DENND1A: variants seen among roughly 807,000 people sequenced by gnomAD.
The protein encoded by DENND1A is DENN domain-containing protein 1A.
In DENND1A, 51 loss-of-function variants were observed where a neutral mutation model predicts 113.7. The ratio of observed to expected loss-of-function variants is 0.45; its 90% CI spans 0.36 to 0.57. The LOEUF (loss-of-function observed/expected upper bound fraction) is 0.57, where lower values mean the gene tolerates loss of function less well. DENND1A is among the 20% of genes least tolerant of loss of function. The pLI, the probability that DENND1A is intolerant of heterozygous loss-of-function variation, is 0.00. For synonymous variants in DENND1A, 565 were observed against 570.8 expected (o/e 0.99, Z 0.14); for missense variants, 1,258 against 1,395.9 (o/e 0.90, Z 1.57).
intron 12 of DENND1A, among the ~76,000 whole-genome samples, chr9:123,570,321 A>G (rs543413974): frequency 6.6e-6 from 1 of 152,320 alleles, no homozygotes. Context: ...AGCTGTCAGT[A>G]AAAAGTATAA....
In DENND1A at chr9:123,645,337, T is replaced by A. The variant is rs28626104; in HGVS notation, c.618+6676A>T. Among the ~76,000 whole-genome samples the A allele has an allele frequency of 8.7e-3, 1,320 of 152,258 alleles. 17 individuals carry two copies. The highest frequency in any genetic ancestry group is 0.03 in the African/African-American group (1,247 of 41,542). The stretch of plus-strand genomic sequence containing the variant: ...ACACAATTGAGAAGAATGTGGTTTG[T>A]CAAGTATTGCAGGCCACATCAGGAT... On this transcript the variant is annotated intron_variant, in intron 9 of 23. Transcript: ENST00000394215.
intron 13 of DENND1A, among the ~76,000 whole-genome samples, chr9:123,496,632 T>G (rs536275436): frequency 3.9e-5 from 6 of 152,336 alleles, no homozygotes; most frequent in African/African-American, 1.4e-4. Flanking sequence ...GAAATGAGAA[T>G]AAATACCTCT....
intron 9 of DENND1A, among the ~76,000 whole-genome samples, chr9:123,634,430 C>T (rs2061613585): frequency 6.6e-6 from 1 of 152,190 alleles, no homozygotes; most frequent in Non-Finnish European, 1.5e-5. Context: ...GATTACAAGA[C>T]TTACTATATA....
At position 123,584,542 on chromosome 9, in the gene DENND1A, T is replaced by A. The variant is rs114947724; in HGVS notation, c.766-1272A>T. ...TCCAATGGCTGCTCAAGCTCCAGTT[T>A]CCAATGCCCTGGAAATGGACAAGTA... On this transcript the variant is annotated intron_variant, in intron 11 of 23. Transcript: ENST00000394215. 1.8e-3 allele frequency among the ~76,000 whole-genome samples: 267 copies of A among 152,332 alleles called. 1 individual carries two copies. The highest frequency in any genetic ancestry group is 6.1e-3 in the African/African-American group (255 of 41,570).
intron 2 of DENND1A, among the ~76,000 whole-genome samples, chr9:123,861,904 C>T (rs1027461010): frequency 2.0e-5 from 3 of 152,166 alleles, no homozygotes; most frequent in African/African-American, 7.2e-5. Flanking sequence ...AGCACACTTA[C>T]AGACACTTTT....
At chr9:123,573,327 T>C (rs1023872074) in intron 12 of DENND1A, among the ~76,000 whole-genome samples, 2 of 152,146 alleles carry the variant, frequency 1.3e-5, no homozygotes, top group Non-Finnish European at 2.9e-5. Context: ...AAGAAAGCCA[T>C]CTGGAATTTG....
chr9:123,448,539 C>T (rs888662264), intron 18 of DENND1A, among the ~76,000 whole-genome samples: 20 of 152,292 alleles, frequency 1.3e-4, no homozygotes, highest in Middle Eastern at 3.4e-3. Context: ...GAAAACTCTC[C>T]GCTCCCTGCC....
intron 13 of DENND1A, among the ~76,000 whole-genome samples, chr9:123,544,704 T>C (rs749768229): frequency 6.6e-6 from 1 of 152,244 alleles, no homozygotes; most frequent in South Asian, 2.1e-4. Context: ...GAGCCTAGCA[T>C]ATAACAAATG....
chr9:123,517,712 A>G (rs1229113145), intron 13 of DENND1A, among the ~76,000 whole-genome samples: 1 of 152,210 alleles, frequency 6.6e-6, no homozygotes, highest in Non-Finnish European at 1.5e-5. Flanking sequence ...GGCAAATTCA[A>G]GCAGAGGAAT....
rs1468027437 is a variant in DENND1A at position 123,855,178 on chromosome 9, T to C, written c.88+23773A>G. On this transcript the variant is annotated intron_variant, in intron 2 of 23. Transcript: ENST00000394215. ...ATTTTTAAATATCTCTTCATTTAGC[T>C]AGCTACCTACTGAATACGATTATTC... Among the ~76,000 whole-genome samples the C allele has an allele frequency of 1.3e-5, 2 of 151,194 alleles. 1 individual carries two copies. Among genetic ancestry groups the C allele is most frequent in the African/African-American group, 4.9e-5 (2 of 40,490 alleles).
At chr9:123,751,473 C>A (rs1052742250) in intron 5 of DENND1A, 3 of 152,174 alleles carry the variant, frequency 2.0e-5, no homozygotes, top group Admixed American at 6.5e-5. Flanking sequence ...CAAAGTGACA[C>A]GCAACATCCC....
Position 123,381,618 on chromosome 9 carries a change from C to CG in DENND1A, c.3026dup (p.Leu1010AlafsTer27), listed in dbSNP as rs2042272414. On this transcript the variant is annotated frameshift_variant, in exon 24 of 24. Transcript: ENST00000394215. LOFTEE classifies it high-confidence loss of function. This position sits in a 1 kb window ranked among gnomAD's most constrained non-coding sequence, Gnocchi z 4.7. ...CTTGAGGGGGCCTGGGAGGCAGAAG[C>CG]GGGGGGTCTCCAGGCCTCAGGGCCA... 3.7e-6 allele frequency: 6 copies of CG among 1,612,502 alleles called. No individual in the cohort carries two copies. The highest frequency in any genetic ancestry group is 4.2e-6 in the Non-Finnish European group (5 of 1,179,650).
At chr9:123,760,587 T>G (rs908252849) in intron 4 of DENND1A, among the ~76,000 whole-genome samples, 1 of 152,214 alleles carries the variant, frequency 6.6e-6, no homozygotes, top group African/African-American at 2.4e-5. Flanking sequence ...AGAAACACAT[T>G]TCTATAAAAG....
At chr9:123,563,831 T>A (rs1193649720) in intron 12 of DENND1A, among the ~76,000 whole-genome samples, 1 of 152,212 alleles carries the variant, frequency 6.6e-6, no homozygotes, top group African/African-American at 2.4e-5. Flanking sequence ...TGTCTTCTAC[T>A]TGATTTCAAA....
rs59984497 is a variant in DENND1A at position 123,566,913 on chromosome 9, CCACA to C, written c.868-9222_868-9219del. ...TATACAACAATTTAGCTTTAACACA[CCACA>C]CACACACACACACACACACACACAA... On this transcript the variant is annotated intron_variant, in intron 12 of 23. Coordinates refer to ENST00000394215, the MANE Select transcript of DENND1A (RefSeq NM_001352964.2). 3.1e-3 allele frequency among the ~76,000 whole-genome samples: 461 copies of C among 147,430 alleles called. 2 individuals are homozygous for C. Among genetic ancestry groups the C allele is most frequent in the East Asian group, 0.022 (109 of 5,052 alleles).
chr9:123,517,177 C>T (rs1040092583), intron 13 of DENND1A, among the ~76,000 whole-genome samples: 4 of 150,050 alleles, frequency 2.7e-5, no homozygotes, highest in South Asian at 2.1e-4. Context: ...GGTGTGAACC[C>T]GGGATGTGGA....
At chr9:123,899,949 T>TATTCC (rs1851341095) in intron 1 of DENND1A, among the ~76,000 whole-genome samples, 1 of 152,244 alleles carries the variant, frequency 6.6e-6, no homozygotes, top group Non-Finnish European at 1.5e-5. Flanking sequence ...CAATGATCAC[T>TATTCC]GTAAGAATAA....
chr9:123,868,107 T>C lies in DENND1A; in HGVS notation c.88+10844A>G, dbSNP rs531913607. On this transcript the variant is annotated intron_variant, in intron 2 of 23. Coordinates refer to ENST00000394215, the MANE Select transcript of DENND1A (RefSeq NM_001352964.2). ...CAGTAAATTCCCTTTGTTGTTCAAGTCGGATTTCACTGGGTTTCTGTCACT... is the reference window on the plus strand; with the variant it reads ...CAGTAAATTCCCTTTGTTGTTCAAGCCGGATTTCACTGGGTTTCTGTCACT... Among the ~76,000 whole-genome samples the C allele has an allele frequency of 3.9e-5, 6 of 152,314 alleles. No individual in the cohort carries two copies. In the South Asian group the frequency reaches 1.2e-3, roughly 32 times the overall value.
intron 2 of DENND1A, among the ~76,000 whole-genome samples, chr9:123,815,776 C>T (rs1197655677): frequency 6.6e-6 from 1 of 152,026 alleles, no homozygotes; most frequent in Non-Finnish European, 1.5e-5. Flanking sequence ...CCGTATTCTC[C>T]TTTATTGTAT....
Sources: allele counts gnomAD v4.1 joint callset (sites outside exome capture counted in the v4.1 genomes callset), GRCh38; gene constraint gnomAD v4.1.1; non-coding constraint Gnocchi (gnomAD v3.1); transcripts MANE v1.5; gene names NCBI Gene and HGNC (gene_info 2026-07-23, HGNC 2026-07-21).